STARD13: variants seen among roughly 807,000 people sequenced by gnomAD.
The protein encoded by STARD13 is StAR related lipid transfer domain containing 13.
STARD13 carries 62 observed loss-of-function variants against 106.4 expected under a neutral mutation model. That is an observed-to-expected ratio of 0.58 (90% CI 0.48 to 0.72). The LOEUF (loss-of-function observed/expected upper bound fraction) is 0.72, where lower values mean the gene tolerates loss of function less well. STARD13 is among the 30% of genes least tolerant of loss of function. The pLI is 0.00. For missense variants in STARD13, 1,387 were observed against 1,424.0 expected (o/e 0.97, Z 0.42); for synonymous variants, 565 against 553.0 (o/e 1.02, Z -0.31).
intron 1 of STARD13, among the ~76,000 whole-genome samples, chr13:33,316,778 A>G (rs1465292253): frequency 1.3e-5 from 2 of 152,104 alleles, no homozygotes; most frequent in Admixed American, 6.6e-5. Context: ...CTCCCTCTCT[A>G]TCCTGAACCC....
At chr13:33,133,875 A>G (rs1352139690) in intron 4 of STARD13, among the ~76,000 whole-genome samples, 1 of 152,212 alleles carries the variant, frequency 6.6e-6, no homozygotes, top group Non-Finnish European at 1.5e-5. Flanking sequence ...CATCAGGCAC[A>G]TTTCAGACTC....
At chr13:33,309,345 A>C (rs564137393) in intron 1 of STARD13, among the ~76,000 whole-genome samples, 1 of 152,312 alleles carries the variant, frequency 6.6e-6, no homozygotes, top group Admixed American at 6.5e-5. Context: ...AGAAAGCGGC[A>C]GAGCTGGAAG....
At chr13:33,530,321 C>A in the STARD13 span, among the ~76,000 whole-genome samples, 36 of 152,130 alleles carry the variant, frequency 2.4e-4, no homozygotes, top group Non-Finnish European at 4.9e-4. Context: ...AATTGCAATT[C>A]TCTTTTCCTC....
chr13:33,331,480 G>C (rs1048041289), intron 1 of STARD13, among the ~76,000 whole-genome samples: 1 of 151,328 alleles, frequency 6.6e-6, no homozygotes, highest in Non-Finnish European at 1.5e-5. Flanking sequence ...AGCCTCCCAA[G>C]TAGCTGGGAT....
the STARD13 span, among the ~76,000 whole-genome samples, chr13:33,502,964 C>A: frequency 6.6e-6 from 1 of 152,162 alleles, no homozygotes; most frequent in Non-Finnish European, 1.5e-5. Flanking sequence ...ATGGTACCAG[C>A]TCCTCTTTGT....
the STARD13 span, among the ~76,000 whole-genome samples, chr13:33,500,588 C>T: frequency 6.6e-6 from 1 of 152,016 alleles, no homozygotes; most frequent in African/African-American, 2.4e-5. Context: ...TAAATAAATC[C>T]ATTTTGGGTG....
Position 33,118,235 on chromosome 13 carries a change from T to C in STARD13, c.2111A>G (p.Lys704Arg). Residue 704 changes from lysine to arginine, a missense_variant, in exon 8 of 14, where the codon AAG (lysine) becomes AGG (arginine). Physicochemically the swap from Lys to Arg is conservative, Grantham distance 26. Transcript: ENST00000336934. Reference sequence around the variant, plus strand: ...TTGGCGAAGGGCATGGATTCGAGACTTCACTCCTGATTTGCGAAAAAGACC... The same window carrying C: ...TTGGCGAAGGGCATGGATTCGAGACCTCACTCCTGATTTGCGAAAAAGACC... ...QVGLFRKSGV[K>R]SRIHALRQMN... The C allele has an allele frequency of 8.1e-6, 13 of 1,614,196 alleles. No individual in the cohort carries two copies. The highest frequency in any genetic ancestry group is 1.1e-5 in the Non-Finnish European group (13 of 1,180,042).
At chr13:33,366,955 T>C in the STARD13 span, among the ~76,000 whole-genome samples, 1 of 152,202 alleles carries the variant, frequency 6.6e-6, no homozygotes, top group Non-Finnish European at 1.5e-5. This position sits in a 1 kb window ranked among gnomAD's most constrained non-coding sequence, Gnocchi z 4.2. Context: ...TAAAAGTTTA[T>C]TTTCTATGAG....
At chr13:33,137,608 G>A (rs571429679) in intron 4 of STARD13, among the ~76,000 whole-genome samples, 1 of 152,280 alleles carries the variant, frequency 6.6e-6, no homozygotes, top group Non-Finnish European at 1.5e-5. Flanking sequence ...AAAATAAATT[G>A]CCTTGCCATG....
At position 33,240,640 on chromosome 13, in the gene STARD13, T is replaced by C. The variant is rs542253384; in HGVS notation, c.169+44830A>G. ...TAAGTATCTTATCCTTAAGGATCCCTAAGTTTATCCTTAAGTATTTTATCC... is the reference window on the plus strand; with the variant it reads ...TAAGTATCTTATCCTTAAGGATCCCCAAGTTTATCCTTAAGTATTTTATCC... On this transcript the variant is annotated intron_variant, in intron 1 of 13. Transcript: ENST00000336934. Among the ~76,000 whole-genome samples the C allele has an allele frequency of 3.9e-5, 6 of 152,034 alleles. No homozygotes were observed. The South Asian group carries it at 8.3e-4, about 21-fold the overall frequency.
At chr13:33,363,822 T>TG in the STARD13 span, among the ~76,000 whole-genome samples, 1 of 152,192 alleles carries the variant, frequency 6.6e-6, no homozygotes, top group African/African-American at 2.4e-5. Context: ...ACATAGTAAA[T>TG]GCTCAATATA....
At chr13:33,144,422 AAGAGTC>A (rs1480258206) in intron 3 of STARD13, among the ~76,000 whole-genome samples, 2 of 152,216 alleles carry the variant, frequency 1.3e-5, no homozygotes, top group Non-Finnish European at 2.9e-5. Context: ...GTTGTTTATC[AAGAGTC>A]AGGCATCAGC....
intron 1 of STARD13, among the ~76,000 whole-genome samples, chr13:33,191,026 C>G (rs1450066939): frequency 6.6e-6 from 1 of 152,158 alleles, no homozygotes; most frequent in Non-Finnish European, 1.5e-5. Flanking sequence ...ATACTCATTT[C>G]CAAAAAGATG....
intron 1 of STARD13, among the ~76,000 whole-genome samples, chr13:33,253,599 C>T (rs568498957): frequency 2.6e-4 from 39 of 152,208 alleles, no homozygotes; most frequent in Admixed American, 7.8e-4. Flanking sequence ...TTGTGAAGGC[C>T]GAGGCTGCCG....
the STARD13 span, among the ~76,000 whole-genome samples, chr13:33,628,113 T>C: frequency 2.6e-5 from 4 of 151,286 alleles, no homozygotes; most frequent in East Asian, 2.0e-4. Flanking sequence ...GGGATAAATA[T>C]ATCTTTTTTC....
intron 1 of STARD13, among the ~76,000 whole-genome samples, chr13:33,202,942 G>C (rs977438408): frequency 1.3e-5 from 2 of 152,132 alleles, no homozygotes; most frequent in Non-Finnish European, 2.9e-5. Flanking sequence ...TTTGAATGAC[G>C]GGCAGAATTT....
the STARD13 span, among the ~76,000 whole-genome samples, chr13:33,539,991 A>G: frequency 2.6e-4 from 39 of 152,250 alleles, no homozygotes; most frequent in African/African-American, 9.4e-4. Context: ...ACTTAGTTTT[A>G]AAATGGGCAA....
the STARD13 span, among the ~76,000 whole-genome samples, chr13:33,565,548 G>A: frequency 6.8e-6 from 1 of 147,944 alleles, no homozygotes; most frequent in Non-Finnish European, 1.5e-5. Flanking sequence ...GGCTACACTG[G>A]TAAACCTGAA....
chr13:33,473,834 T>G, the STARD13 span, among the ~76,000 whole-genome samples: 33,388 of 152,106 alleles, frequency 0.22, 6,776 homozygotes, highest in African/African-American at 0.54. Flanking sequence ...ATGGGTGAGG[T>G]TCTTTTGTGG....
Sources: gnomAD v4.1 joint callset for allele counts (sites outside exome capture counted in the v4.1 genomes callset) on GRCh38, gnomAD v4.1.1 for gene constraint, Gnocchi (gnomAD v3.1) non-coding constraint, MANE v1.5 for transcripts, NCBI Gene and HGNC (gene_info 2026-07-23, HGNC 2026-07-21) for gene names.